Variants in DDX60L observed in about 807,000 individuals in gnomAD.
The protein encoded by DDX60L is probable ATP-dependent RNA helicase DDX60-like.
A neutral mutation model predicts 211.6 loss-of-function variants in DDX60L; 191 were observed. The observed-to-expected ratio is 0.90, with a 90% CI of 0.80 to 1.02. DDX60L has a LOEUF of 1.02. Ranked by LOEUF, DDX60L falls within the 50% of genes least tolerant of loss-of-function variation. DDX60L has a pLI of 0.00. For missense variants in DDX60L, 2,007 were observed against 1,984.1 expected (o/e 1.01, Z -0.22); for synonymous variants, 706 against 694.1 (o/e 1.02, Z -0.27).
Position 168,416,806 on chromosome 4 carries a change from G to GA in DDX60L, c.2611-10dup, listed in dbSNP as rs148899120. 0.068 allele frequency: 96,181 copies of GA among 1,412,078 alleles called. 3,355 individuals carry two copies. The highest frequency in any genetic ancestry group is 0.18 in the East Asian group (7,297 of 40,662). The allele number at this position is 1,412,078 out of a possible 1,614,324, so 87.5% of individuals were successfully genotyped here. ...CTGCCAAGATAATGGACCTAGTAAAGAAAAAAAAATCAGTTGAAAAGTTGA... is the reference window on the plus strand; with the variant it reads ...CTGCCAAGATAATGGACCTAGTAAAGAAAAAAAAAATCAGTTGAAAAGTTGA... On this transcript the variant is annotated splice_polypyrimidine_tract_variant and intron_variant, in intron 19 of 37. Transcript: ENST00000682922.
Position 168,378,425 on chromosome 4 carries a change from C to T in DDX60L, c.4414G>A (p.Ala1472Thr). 6.4e-7 allele frequency: 1 copy of T among 1,570,844 alleles called. No individual in the cohort carries two copies. Among genetic ancestry groups the T allele is most frequent in the East Asian group, 2.3e-5 (1 of 43,486 alleles). ...ATATATTTTCTTCCAAACAAATTTG[C>T]CAATACTAACACGAGCTTTTCCATC... The part of the protein sequence containing the change: ...DVMEKLVLVL[A>T]NLFGRKYIPA... The change falls in exon 33 of 38, where the codon GCA (alanine) becomes ACA (threonine). Residue 1472 changes from alanine to threonine, a missense_variant. Physicochemically the swap from Ala to Thr is moderately conservative, Grantham distance 58. Coordinates refer to ENST00000682922, the MANE Select transcript of DDX60L (RefSeq NM_001012967.3).
chr4:168,392,184 T>G (rs1030310897), intron 28 of DDX60L, among the ~76,000 whole-genome samples: 5 of 152,244 alleles, frequency 3.3e-5, no homozygotes, highest in African/African-American at 1.2e-4. Flanking sequence ...CCTTCTCTTA[T>G]TCTCATGTTT....
intron 4 of DDX60L, among the ~76,000 whole-genome samples, chr4:168,467,030 A>G (rs944982331): frequency 2.0e-5 from 3 of 152,182 alleles, no homozygotes; most frequent in African/African-American, 7.2e-5. Context: ...ACAGGAATCA[A>G]GCTTACATAT....
At chr4:168,381,923 T>C (rs1206318282) in intron 30 of DDX60L, among the ~76,000 whole-genome samples, 1 of 152,186 alleles carries the variant, frequency 6.6e-6, no homozygotes, top group Non-Finnish European at 1.5e-5. Context: ...TAAAGTGTAC[T>C]ACTCTCTCTT....
In DDX60L at chr4:168,427,155, A is replaced by G; in HGVS notation, c.1845T>C (p.Cys615=). 6.2e-7 allele frequency: 1 copy of G among 1,610,728 alleles called. No individual in the cohort carries two copies. The highest frequency in any genetic ancestry group is 8.5e-7 in the Non-Finnish European group (1 of 1,177,842). The part of the protein sequence containing the change: ...IRKLEDYLTS[C]ASNSVKFGVE... Reference sequence around the variant, plus strand: ...CTCCAAATTTCACTGAATTACTTGCACATGATGTCAAATAATCTTCCAATT... The same window carrying G: ...CTCCAAATTTCACTGAATTACTTGCGCATGATGTCAAATAATCTTCCAATT... The change falls in exon 14 of 38, where the codon TGT becomes TGC. Residue 615 remains cysteine (C), a synonymous_variant. Coordinates refer to ENST00000682922, the MANE Select transcript of DDX60L (RefSeq NM_001012967.3).
intron 16 of DDX60L, 146 bp from the exon 17 acceptor site, chr4:168,422,055 G>C: frequency 2.2e-6 from 2 of 928,638 alleles, no homozygotes; most frequent in South Asian, 1.7e-5. Flanking sequence ...ATTAGGTCTG[G>C]TGAACACTCG....
chr4:168,386,190 C>T lies in DDX60L; in HGVS notation c.3916-1378G>A, dbSNP rs970470342. ...CAAGCTCCAAACTAGAAGAGTCTGC[C>T]GGATGTTTCTTTCAAACGGCTGGAA... On this transcript the variant is annotated intron_variant, in intron 29 of 37. Coordinates refer to ENST00000682922, the MANE Select transcript of DDX60L (RefSeq NM_001012967.3). Among the ~76,000 whole-genome samples the T allele has an allele frequency of 8.5e-5, 13 of 152,088 alleles. No individual in the cohort carries two copies. In the East Asian group the frequency reaches 1.2e-3, roughly 14 times the overall value.
chr4:168,435,393 T>G (rs1752899423), intron 10 of DDX60L, among the ~76,000 whole-genome samples: 1 of 152,196 alleles, frequency 6.6e-6, no homozygotes, highest in Admixed American at 6.5e-5. Flanking sequence ...ATTAAGGACT[T>G]GAAAAATACA....
chr4:168,420,556 A>C lies in DDX60L; in HGVS notation c.2395-176T>G, dbSNP rs1750371354. On this transcript the variant is annotated intron_variant, in intron 17 of 37. Transcript: ENST00000682922. Reference sequence around the variant, plus strand: ...GAAAAATACAGATGGTAATGAAATTATCTGATACCACTGAGTATTCTCTTT... The same window carrying C: ...GAAAAATACAGATGGTAATGAAATTCTCTGATACCACTGAGTATTCTCTTT... 2.7e-5 allele frequency among the ~76,000 whole-genome samples: 4 copies of C among 149,980 alleles called. No homozygotes were observed. In the Admixed American group the frequency reaches 2.7e-4, roughly 10 times the overall value.
intron 4 of DDX60L, among the ~76,000 whole-genome samples, chr4:168,464,573 T>G (rs1399166922): frequency 2.0e-5 from 3 of 151,920 alleles, no homozygotes; most frequent in Admixed American, 6.6e-5. Flanking sequence ...CCACCTCACC[T>G]GGACTAATTG....
In DDX60L at chr4:168,400,827, T is replaced by A. The variant is rs763287306; in HGVS notation, c.3490A>T (p.Ile1164Phe). Residue 1164 changes from isoleucine to phenylalanine, a missense_variant and splice_region_variant, in exon 26 of 38, where the codon ATC becomes TTC. Physicochemically the swap from Ile to Phe is conservative, Grantham distance 21 (BLOSUM62 0). Transcript: ENST00000682922. ...GTTTAAGTAAACATTAATACTTACA[T>A]CCTTTTCTGTGTCTTCCTCACTTTT... ...LEKVRKTQKR[I>F]TKKNPKKAEK... is the part of the protein sequence containing the mutation. 1.2e-6 allele frequency: 2 copies of A among 1,609,244 alleles called. No individual in the cohort carries two copies. Among genetic ancestry groups the A allele is most frequent in the Non-Finnish European group, 1.7e-6 (2 of 1,177,888 alleles).
intron 30 of DDX60L, among the ~76,000 whole-genome samples, chr4:168,382,526 T>C (rs1743144708): frequency 6.6e-6 from 1 of 152,104 alleles, no homozygotes; most frequent in Admixed American, 6.5e-5. Context: ...AATACTGTTT[T>C]CCTCATTTTT....
chr4:168,358,164 G>T lies in DDX60L; in HGVS notation c.5104C>A (p.Gln1702Lys), dbSNP rs1738444231. The T allele has an allele frequency of 6.2e-7, 1 of 1,608,190 alleles. No homozygotes were observed. Among genetic ancestry groups the T allele is most frequent in the East Asian group, 2.2e-5 (1 of 44,612 alleles). Residue 1702 changes from glutamine to lysine, a missense_variant, in exon 38 of 38, where the codon CAA becomes AAA. Coordinates refer to ENST00000682922, the MANE Select transcript of DDX60L (RefSeq NM_001012967.3). ...CCATGGTGTTATTCTAAATGATTTTGACTCATTTGAATTTGCATTTCTTGA... is the reference window on the plus strand; with the variant it reads ...CCATGGTGTTATTCTAAATGATTTTTACTCATTTGAATTTGCATTTCTTGA... Reference protein sequence around the residue: ...KLQEMQIQMSQNHLE With the variant: ...KLQEMQIQMSKNHLE
At chr4:168,385,497 T>C (rs2130142) in intron 29 of DDX60L, among the ~76,000 whole-genome samples, 139,913 of 152,142 alleles carry the variant, frequency 0.92, 65,470 homozygotes, top group East Asian at 1. Flanking sequence ...TTAACTAAAC[T>C]CAAAGAGGGG....
At chr4:168,395,766 C>A in intron 27 of DDX60L, 193 bp downstream of exon 27, 1 of 526,300 alleles carries the variant, frequency 1.9e-6, no homozygotes, top group Middle Eastern at 4.9e-4. Context: ...TCACACTGAG[C>A]AAGGAAGAGT....
Position 168,400,979 on chromosome 4 carries a change from C to G in DDX60L, c.3339-1G>C, listed in dbSNP as rs1481361492. The G allele has an allele frequency of 6.2e-7, 1 of 1,609,686 alleles. No homozygotes were observed. The highest frequency in any genetic ancestry group is 1.7e-5 in the Admixed American group (1 of 59,036). ...TTTTCCCACATCATCATTCTTAAAC[C>G]TTAAAACAAATGAAAACAGTGCTTT... On this transcript the variant is annotated splice_acceptor_variant, in intron 25 of 37. Coordinates refer to ENST00000682922, the MANE Select transcript of DDX60L (RefSeq NM_001012967.3). LOFTEE classifies it high-confidence loss of function.
chr4:168,461,747 AT>A lies in DDX60L; in HGVS notation c.557del (p.Tyr186LeufsTer21), dbSNP rs1757347041. 4 of 1,600,044 alleles carry A rather than the reference AT, an allele frequency of 2.5e-6. No individual in the cohort carries two copies. The highest frequency in any genetic ancestry group is 2.6e-6 in the Non-Finnish European group (3 of 1,171,714). On this transcript the variant is annotated frameshift_variant, in exon 5 of 38. Coordinates refer to ENST00000682922, the MANE Select transcript of DDX60L (RefSeq NM_001012967.3). LOFTEE classifies it high-confidence loss of function. ...TGTCTGTGCTTTCCATAGTATATGC[AT>A]AAAATCTGAGAGTATCAGATTCATG... ...SGHESDTLRF[Y>X]AYTMESTDRN...
At chr4:168,457,868 T>C (rs1216478233) in intron 6 of DDX60L, 24 bp downstream of exon 6, 51 of 1,408,642 alleles carry the variant, frequency 3.6e-5, no homozygotes, top group Non-Finnish European at 4.8e-5. Flanking sequence ...AAACTTTTAT[T>C]TAAAGAAATA....
At chr4:168,359,961 CT>C (rs1002976256) in intron 37 of DDX60L, among the ~76,000 whole-genome samples, 7 of 152,286 alleles carry the variant, frequency 4.6e-5, no homozygotes, top group African/African-American at 1.7e-4. Context: ...AATTATTCTA[CT>C]TAATTATCCT....
Sources: allele counts gnomAD v4.1 joint callset (sites outside exome capture counted in the v4.1 genomes callset), GRCh38; gene constraint gnomAD v4.1.1; transcripts MANE v1.5; gene names NCBI Gene and HGNC (gene_info 2026-07-23, HGNC 2026-07-21).